The following EHBP1 variants were observed in gnomAD, a reference collection of about 807,000 sequenced individuals.
EHBP1 encodes the protein EH domain binding protein 1.
EHBP1 carries 55 observed loss-of-function variants against 144.0 expected under a neutral mutation model. The observed-to-expected ratio is 0.38, with a 90% CI of 0.31 to 0.48. The LOEUF (loss-of-function observed/expected upper bound fraction) is 0.48. Ranked by LOEUF, EHBP1 falls within the 20% of genes least tolerant of loss-of-function variation. The pLI, the probability that EHBP1 is intolerant of heterozygous loss-of-function variation, is 0.98. For missense variants in EHBP1, 1,200 were observed against 1,364.2 expected (o/e 0.88, Z 1.90); for synonymous variants, 469 against 472.7 (o/e 0.99, Z 0.10).
chr2:62,741,549 C>T (rs756053116), intron 2 of EHBP1, among the ~76,000 whole-genome samples: 3 of 152,184 alleles, frequency 2.0e-5, no homozygotes, highest in Non-Finnish European at 4.4e-5. Context: ...TTAGTGTCAG[C>T]GTTTTTGTTG....
rs117759572 is a variant in EHBP1 at position 62,971,727 on chromosome 2, A to T, written c.2461-7461A>T. The stretch of plus-strand genomic sequence containing the variant: ...AGTTGTAAGGAGTAAATGAGACAAC[A>T]CATATACATGTGTGAGCACACAGGG... On this transcript the variant is annotated intron_variant, in intron 14 of 22. Transcript: ENST00000431489. Among the ~76,000 whole-genome samples, 94 of 152,350 alleles carry T rather than the reference A, an allele frequency of 6.2e-4. 1 individual carries two copies. In the East Asian group the frequency reaches 0.017, roughly 28 times the overall value.
intron 7 of EHBP1, chr2:62,858,357 A>T: frequency 7.8e-7 from 1 of 1,285,538 alleles, no homozygotes; most frequent in Non-Finnish European, 1.1e-6. Context: ...ACTTCTCTTT[A>T]ATTAAATGAC....
chr2:62,828,431 C>T (rs532199648), intron 6 of EHBP1, among the ~76,000 whole-genome samples: 7 of 152,158 alleles, frequency 4.6e-5, no homozygotes, highest in South Asian at 4.2e-4. Flanking sequence ...ATACTTAAAA[C>T]ATTTAAAAAA....
intron 10 of EHBP1, among the ~76,000 whole-genome samples, chr2:62,921,730 G>A (rs2055103162): frequency 6.6e-6 from 1 of 152,182 alleles, no homozygotes; most frequent in African/African-American, 2.4e-5. Context: ...TTGAAAATTT[G>A]TGTGTAGCTT....
intron 10 of EHBP1, among the ~76,000 whole-genome samples, chr2:62,891,733 T>C (rs1261192470): frequency 6.6e-6 from 1 of 152,220 alleles, no homozygotes. Context: ...GTTAGCATCC[T>C]CTTCGCAGAC....
At chr2:62,858,255 G>A (rs2049228572) in intron 7 of EHBP1, 2 of 514,398 alleles carry the variant, frequency 3.9e-6, no homozygotes, top group Non-Finnish European at 7.0e-6. Flanking sequence ...AAGCATATCT[G>A]TTATGGGTTC....
intron 7 of EHBP1, among the ~76,000 whole-genome samples, chr2:62,835,110 T>A (rs1395753961): frequency 2.0e-5 from 3 of 152,176 alleles, no homozygotes; most frequent in Non-Finnish European, 4.4e-5. Context: ...AAACAATGGT[T>A]TTTTTAGATT....
intron 5 of EHBP1, among the ~76,000 whole-genome samples, chr2:62,825,765 G>T (rs912740099): frequency 1.1e-4 from 16 of 152,020 alleles, no homozygotes; most frequent in Non-Finnish European, 1.9e-4. Context: ...CCCTGTATTG[G>T]ATCCTCTTCT....
chr2:62,885,388 C>T (rs1255727700), intron 10 of EHBP1, among the ~76,000 whole-genome samples: 1 of 151,894 alleles, frequency 6.6e-6, no homozygotes, highest in Non-Finnish European at 1.5e-5. Flanking sequence ...AAGAAAACCA[C>T]AATATTTTTA....
chr2:62,819,793 A>T (rs2045759853), intron 5 of EHBP1, among the ~76,000 whole-genome samples: 1 of 151,934 alleles, frequency 6.6e-6, no homozygotes, highest in Non-Finnish European at 1.5e-5. Context: ...AACCCGCGAC[A>T]ACCCATATGT....
intron 16 of EHBP1, among the ~76,000 whole-genome samples, chr2:62,992,380 A>G: frequency 6.6e-6 from 1 of 152,036 alleles, no homozygotes; most frequent in East Asian, 1.9e-4. Flanking sequence ...AAATAGTGTT[A>G]TTTTCATTAT....
rs533457571 is a variant in EHBP1, at chr2:62,968,919, G to A, written c.2461-10269G>A. Among the ~76,000 whole-genome samples the A allele has an allele frequency of 7.2e-5, 11 of 152,290 alleles. No homozygotes were observed. In the East Asian group the frequency reaches 1.7e-3, roughly 24 times the overall value. On this transcript the variant is annotated intron_variant, in intron 14 of 22. Coordinates refer to ENST00000431489, the MANE Select transcript of EHBP1 (RefSeq NM_001142616.3). ...GGCCAGATCTAAGGAGCCAGAGAGC[G>A]TTCAGCTCCTTTTTGCCTACAAAAG...
chr2:62,947,307 A>G (rs550043738), intron 12 of EHBP1, among the ~76,000 whole-genome samples: 12 of 152,334 alleles, frequency 7.9e-5, no homozygotes, highest in African/African-American at 2.2e-4. Flanking sequence ...GATTAAATTC[A>G]AACATAGCAA....
chr2:62,883,314 T>C (rs1476437834), intron 10 of EHBP1, among the ~76,000 whole-genome samples: 1 of 152,240 alleles, frequency 6.6e-6, no homozygotes, highest in African/African-American at 2.4e-5. Context: ...GTGATAGCTA[T>C]GTGAATAGCT....
chr2:62,846,394 A>G (rs925370505), intron 7 of EHBP1, among the ~76,000 whole-genome samples: 1 of 152,212 alleles, frequency 6.6e-6, no homozygotes, highest in African/African-American at 2.4e-5. Context: ...TTAATAAAGG[A>G]AAAAAATTAT....
intron 7 of EHBP1, among the ~76,000 whole-genome samples, chr2:62,855,293 C>T (rs1214583616): frequency 6.6e-6 from 1 of 152,206 alleles, no homozygotes; most frequent in Non-Finnish European, 1.5e-5. Context: ...TGCTGACACA[C>T]CAGCCCCCTG....
chr2:62,914,393 G>C (rs139690622), intron 10 of EHBP1, among the ~76,000 whole-genome samples: 1 of 152,056 alleles, frequency 6.6e-6, no homozygotes, highest in African/African-American at 2.4e-5. Context: ...CAGGAATTCT[G>C]TGAAGCCAGT....
At chr2:62,798,379 G>A (rs1227128002) in intron 5 of EHBP1, among the ~76,000 whole-genome samples, 1 of 150,870 alleles carries the variant, frequency 6.6e-6, no homozygotes, top group African/African-American at 2.4e-5. Context: ...AAAAAAAAAA[G>A]AAAGAAATAT....
In EHBP1 at chr2:62,720,894, G is replaced by A. The variant is rs910306841; in HGVS notation, c.104+13599G>A. ...AAAGTTTGTGATTTTGTGTTGGGCC[G>A]CAGTTTGGACAAGCTTGATATAGAG... On this transcript the variant is annotated intron_variant, in intron 2 of 22. Transcript: ENST00000431489. 3.9e-5 allele frequency among the ~76,000 whole-genome samples: 6 copies of A among 152,116 alleles called. No individual in the cohort carries two copies. The East Asian group carries it at 7.7e-4, about 20-fold the overall frequency.
Sources: allele counts gnomAD v4.1 joint callset (sites outside exome capture counted in the v4.1 genomes callset), GRCh38; gene constraint gnomAD v4.1.1; transcripts MANE v1.5; gene names NCBI Gene and HGNC (gene_info 2026-07-23, HGNC 2026-07-21).